Variants in NBAS observed in about 807,000 individuals in gnomAD.
The protein encoded by NBAS is NBAS subunit of NRZ tethering complex.
In NBAS, 219 loss-of-function variants were observed where a neutral mutation model predicts 302.5. That is an observed-to-expected ratio of 0.72 (90% CI 0.65 to 0.81). The LOEUF is 0.81. Ranked by LOEUF, NBAS falls within the 30% of genes least tolerant of loss-of-function variation. The pLI is 0.00. For synonymous variants in NBAS, 1,118 were observed against 1,021.6 expected, an observed-to-expected ratio of 1.09 and a Z score of -1.80; for missense variants, 2,932 against 2,841.6, an observed-to-expected ratio of 1.03 and a Z score of -0.72.
chr2:15,023,258 T>G, the NBAS span, among the ~76,000 whole-genome samples: 1 of 152,198 alleles, frequency 6.6e-6, no homozygotes, highest in Non-Finnish European at 1.5e-5. Context: ...TTTAAGAACT[T>G]TATAGTATTC....
chr2:14,878,514 T>G, the NBAS span, among the ~76,000 whole-genome samples: 1 of 152,324 alleles, frequency 6.6e-6, no homozygotes, highest in East Asian at 1.9e-4. Context: ...GGTCCTTAGC[T>G]GTGAGTCATC....
At chr2:15,000,738 C>T in the NBAS span, among the ~76,000 whole-genome samples, 29 of 152,046 alleles carry the variant, frequency 1.9e-4, no homozygotes, top group African/African-American at 6.5e-4. Context: ...CTGATGAGGA[C>T]GTTCTACAAA....
intron 6 of NBAS, among the ~76,000 whole-genome samples, chr2:15,545,489 C>T (rs2148700761): frequency 6.6e-6 from 1 of 152,224 alleles, no homozygotes; most frequent in South Asian, 2.1e-4. Context: ...GACGTCAGTA[C>T]AGATCCTACA....
At chr2:15,003,758 G>A in the NBAS span, among the ~76,000 whole-genome samples, 1 of 152,096 alleles carries the variant, frequency 6.6e-6, no homozygotes, top group Non-Finnish European at 1.5e-5. Flanking sequence ...TTTGAATTAG[G>A]CTCTAACCAA....
chr2:15,146,309 C>A, the NBAS span, among the ~76,000 whole-genome samples: 11 of 152,084 alleles, frequency 7.2e-5, no homozygotes, highest in Non-Finnish European at 1.6e-4. Flanking sequence ...CTTAAAATGG[C>A]AGTTATTCAT....
At chr2:15,137,513 C>T in the NBAS span, among the ~76,000 whole-genome samples, 1 of 152,122 alleles carries the variant, frequency 6.6e-6, no homozygotes, top group African/African-American at 2.4e-5. Flanking sequence ...GAACATATAG[C>T]TCTGACTCAA....
At chr2:15,553,228 G>A (rs940082053) in intron 5 of NBAS, among the ~76,000 whole-genome samples, 198 bp downstream of exon 5, 1 of 152,192 alleles carries the variant, frequency 6.6e-6, no homozygotes, top group African/African-American at 2.4e-5. Context: ...TGGGGAAGGA[G>A]AAAGATAAGC....
chr2:15,127,091 G>A, the NBAS span, among the ~76,000 whole-genome samples: 1,132 of 152,288 alleles, frequency 7.4e-3, 13 homozygotes, highest in Non-Finnish European at 9.1e-3. Context: ...GTCACAGACG[G>A]CCCCATGCTC....
At chr2:14,869,079 C>T in the NBAS span, among the ~76,000 whole-genome samples, 2 of 152,144 alleles carry the variant, frequency 1.3e-5, no homozygotes, top group African/African-American at 4.8e-5. Flanking sequence ...TTGTGGTCCT[C>T]GCAGCTAATG....
At chr2:14,905,196 A>G in the NBAS span, among the ~76,000 whole-genome samples, 2 of 152,206 alleles carry the variant, frequency 1.3e-5, no homozygotes, top group Non-Finnish European at 2.9e-5. Context: ...CAACATCTTC[A>G]CAGACACACC....
chr2:15,560,239 A>G (rs1320142207), intron 1 of NBAS, among the ~76,000 whole-genome samples: 1 of 152,118 alleles, frequency 6.6e-6, no homozygotes, highest in East Asian at 1.9e-4. Flanking sequence ...ATAAACATGG[A>G]TCCAAAAAAT....
intron 48 of NBAS, among the ~76,000 whole-genome samples, chr2:15,199,714 C>G (rs1368955397): frequency 6.6e-6 from 1 of 151,918 alleles, no homozygotes; most frequent in Non-Finnish European, 1.5e-5. Flanking sequence ...CTTTTTAAGA[C>G]TTGATTTTTT....
intron 35 of NBAS, among the ~76,000 whole-genome samples, chr2:15,332,769 C>T (rs1480941886): frequency 6.6e-6 from 1 of 152,190 alleles, no homozygotes; most frequent in Non-Finnish European, 1.5e-5. Flanking sequence ...ACAGTGCCTC[C>T]TCCTGGGTTC....
At chr2:14,825,944 T>C in the NBAS span, among the ~76,000 whole-genome samples, 1 of 152,276 alleles carries the variant, frequency 6.6e-6, no homozygotes, top group East Asian at 1.9e-4. Context: ...GCAGGATGTG[T>C]TGGGGGCTAC....
intron 11 of NBAS, among the ~76,000 whole-genome samples, chr2:15,500,010 C>T (rs1272038383): frequency 6.6e-6 from 1 of 152,104 alleles, no homozygotes; most frequent in Non-Finnish European, 1.5e-5. Context: ...ACTATTAAAT[C>T]CTTCTACTAC....
chr2:14,824,342 A>T, the NBAS span, among the ~76,000 whole-genome samples: 1 of 152,226 alleles, frequency 6.6e-6, no homozygotes, highest in African/African-American at 2.4e-5. Flanking sequence ...CAGAAAAAGT[A>T]CAAATATATA....
At chr2:15,382,815 T>C (rs1057200186) in intron 29 of NBAS, among the ~76,000 whole-genome samples, 1 of 152,156 alleles carries the variant, frequency 6.6e-6, no homozygotes, top group African/African-American at 2.4e-5. Context: ...AAAAATACTC[T>C]TTATCAGTGT....
chr2:15,503,750 G>A (rs914890597), intron 11 of NBAS, among the ~76,000 whole-genome samples: 1 of 151,994 alleles, frequency 6.6e-6, no homozygotes, highest in Non-Finnish European at 1.5e-5. Context: ...TCTCAGATTT[G>A]GGGAAGAATT....
the NBAS span, among the ~76,000 whole-genome samples, chr2:14,954,734 C>T: frequency 6.6e-6 from 1 of 152,112 alleles, no homozygotes; most frequent in Non-Finnish European, 1.5e-5. Context: ...CCTTATAAAA[C>T]CATCAGATTT....
Sources: gnomAD v4.1 joint callset for allele counts (sites outside exome capture counted in the v4.1 genomes callset) on GRCh38, gnomAD v4.1.1 for gene constraint, MANE v1.5 for transcripts, NCBI Gene and HGNC (gene_info 2026-07-23, HGNC 2026-07-21) for gene names.